Variants in DERA observed in about 807,000 individuals in gnomAD.
DERA encodes 2-deoxy-D-ribose 5-phosphate aldolase.
A neutral mutation model predicts 41.1 loss-of-function variants in DERA; 15 were observed. That is an observed-to-expected ratio of 0.37 (90% CI 0.24 to 0.56). The LOEUF (loss-of-function observed/expected upper bound fraction) is 0.56. Among genes scored for constraint, DERA ranks in the 20% least tolerant of loss-of-function variants. The pLI, the probability that DERA is intolerant of heterozygous loss-of-function variation, is 0.81. For missense variants in DERA, 396 were observed against 403.4 expected (o/e 0.98, Z 0.16); for synonymous variants, 139 against 137.4 (o/e 1.01, Z -0.08).
Position 15,966,170 on chromosome 12 carries a change from C to G in DERA, c.508+3223C>G, listed in dbSNP as rs909390923. On this transcript the variant is annotated intron_variant, in intron 5 of 8. Transcript: ENST00000428559. This position sits in a 1 kb window ranked among gnomAD's most constrained non-coding sequence, Gnocchi z 5.1. Reference sequence around the variant, plus strand: ...GGCTGAAACAGGCACTTTGGGAGGCCTCATCACCTCTTGCTCTGCTGCCGC... The same window carrying G: ...GGCTGAAACAGGCACTTTGGGAGGCGTCATCACCTCTTGCTCTGCTGCCGC... 6.6e-6 allele frequency among the ~76,000 whole-genome samples: 1 copy of G among 152,144 alleles called. No homozygotes were observed. The highest frequency in any genetic ancestry group is 2.4e-5 in the African/African-American group (1 of 41,430).
rs1414471912 is a variant in DERA, at chr12:15,936,866, T to TTGTCC, written c.32-20066_32-20065insCTGTC. On this transcript the variant is annotated intron_variant, in intron 1 of 8. Transcript: ENST00000428559. This position sits in a 1 kb window ranked among gnomAD's most constrained non-coding sequence, Gnocchi z 4.6. Reference sequence around the variant, plus strand: ...CTGTCTTGTGTTGTCTTGTCTTGTCTTGTCTTGTCTTGTCTTGTCTTGTCC... The same window carrying TTGTCC: ...CTGTCTTGTGTTGTCTTGTCTTGTCTTGTCCTGTCTTGTCTTGTCTTGTCTTGTCC... 1.5e-5 allele frequency among the ~76,000 whole-genome samples: 2 copies of TTGTCC among 133,302 alleles called. No individual in the cohort carries two copies. The highest frequency in any genetic ancestry group is 3.1e-5 in the Non-Finnish European group (2 of 64,710). The allele number at this position is 133,302 out of a possible 152,430, so 87.5% of individuals were successfully genotyped here. A position where few individuals can be genotyped will look rare whatever the true frequency, so the allele number is the denominator to read the frequency against.
rs1948538780 is a variant in DERA, at chr12:15,956,372, CTGTTA to C, written c.32-562_32-558del. Among the ~76,000 whole-genome samples, 7 of 152,278 alleles carry C rather than the reference CTGTTA, an allele frequency of 4.6e-5. 1 individual carries two copies. The highest frequency in any genetic ancestry group is 1.7e-4 in the African/African-American group (7 of 41,560). ...TTTGTTTTTTCTTTTTTTCTAACTT[CTGTTA>C]TATCAGTCAATGTTGTTATTTCTAA... is the stretch of plus-strand genomic sequence containing the variant. On this transcript the variant is annotated intron_variant, in intron 1 of 8. Coordinates refer to ENST00000428559, the MANE Select transcript of DERA (RefSeq NM_015954.4).
chr12:15,945,296 A>G (rs1192272015), intron 1 of DERA, among the ~76,000 whole-genome samples: 1 of 152,206 alleles, frequency 6.6e-6, no homozygotes, highest in Non-Finnish European at 1.5e-5. Flanking sequence ...TGGGGATGGC[A>G]TTGAATCTAT....
chr12:15,972,625 G>T lies in DERA; in HGVS notation c.508+9678G>T, dbSNP rs1462362594. On this transcript the variant is annotated intron_variant, in intron 5 of 8. Transcript: ENST00000428559. The surrounding 1 kb of genome is among the most constrained non-coding windows in gnomAD (Gnocchi z 4.4). ...CCAGGGGCATTTCACGCATAGTGCA[G>T]AAGTCGGGGACCTCCAGCGTGCACC... 2.2e-5 allele frequency: 4 copies of T among 180,296 alleles called. No individual in the cohort carries two copies. The South Asian group carries it at 4.0e-4, about 18-fold the overall frequency. The allele number at this position is 180,296 out of a possible 1,614,324, so 11.2% of individuals were successfully genotyped here.
At chr12:15,991,484 A>G (rs1948801563) in intron 6 of DERA, among the ~76,000 whole-genome samples, 1 of 152,122 alleles carries the variant, frequency 6.6e-6, no homozygotes, top group African/African-American at 2.4e-5. Context: ...TTTGGATGCC[A>G]TAGCAGCAAC....
chr12:15,929,365 G>A (rs1948310927), intron 1 of DERA, among the ~76,000 whole-genome samples: 1 of 152,204 alleles, frequency 6.6e-6, no homozygotes, highest in Admixed American at 6.5e-5. Flanking sequence ...TTTTGAATCA[G>A]CACCCAGCAG....
At chr12:15,964,942 T>A (rs1437135607) in intron 5 of DERA, among the ~76,000 whole-genome samples, 1 of 152,240 alleles carries the variant, frequency 6.6e-6, no homozygotes, top group Non-Finnish European at 1.5e-5. Context: ...ATCTTTGTCC[T>A]GGACCATACT....
In DERA at chr12:16,021,383, T is replaced by A. The variant is rs1349660505; in HGVS notation, c.638-11159T>A. On this transcript the variant is annotated intron_variant, in intron 6 of 8. Coordinates refer to ENST00000428559, the MANE Select transcript of DERA (RefSeq NM_015954.4). This position sits in a 1 kb window ranked among gnomAD's most constrained non-coding sequence, Gnocchi z 5.3. The stretch of plus-strand genomic sequence containing the variant: ...TTCTATGTGATGTTAAGCCTTGAGG[T>A]TCATGGAATGCAAGAGTGAAGGGGG... 1.3e-5 allele frequency among the ~76,000 whole-genome samples: 2 copies of A among 152,182 alleles called. No homozygotes were observed. Among genetic ancestry groups the A allele is most frequent in the Non-Finnish European group, 2.9e-5 (2 of 68,032 alleles).
At position 16,004,485 on chromosome 12, in the gene DERA, T is replaced by G. The variant is rs537073167; in HGVS notation, c.637+22049T>G. ...TTTAAATGTCACAATTCTTAATTTT[T>G]CTTAGTACATTGAAAAAAATTAAAG... is the stretch of plus-strand genomic sequence containing the variant. On this transcript the variant is annotated intron_variant, in intron 6 of 8. Coordinates refer to ENST00000428559, the MANE Select transcript of DERA (RefSeq NM_015954.4). The surrounding 1 kb of genome is among the most constrained non-coding windows in gnomAD (Gnocchi z 4.2). Among the ~76,000 whole-genome samples the G allele has an allele frequency of 3.2e-4, 49 of 152,268 alleles. 1 individual carries two copies. The South Asian group carries it at 1.0e-2, about 31-fold the overall frequency.
intron 1 of DERA, among the ~76,000 whole-genome samples, chr12:15,929,455 G>A (rs1045539940): frequency 1.3e-5 from 2 of 152,114 alleles, no homozygotes; most frequent in East Asian, 3.9e-4. Context: ...ATAATGTAGC[G>A]GAGGCTTGTT....
At chr12:15,929,741 T>C (rs550304865) in intron 1 of DERA, among the ~76,000 whole-genome samples, 6 of 152,346 alleles carry the variant, frequency 3.9e-5, no homozygotes, top group African/African-American at 1.2e-4. Context: ...TATGTACATA[T>C]ACAGTAGCTA....
chr12:15,984,023 C>A lies in DERA; in HGVS notation c.637+1587C>A, dbSNP rs138962310. Among the ~76,000 whole-genome samples, 2 of 152,140 alleles carry A rather than the reference C, an allele frequency of 1.3e-5. No homozygotes were observed. The highest frequency in any genetic ancestry group is 2.9e-5 in the Non-Finnish European group (2 of 68,022). On this transcript the variant is annotated intron_variant, in intron 6 of 8. Transcript: ENST00000428559. The surrounding 1 kb of genome is among the most constrained non-coding windows in gnomAD (Gnocchi z 4.5). ...GGCTACTTGGTGTACAGGTAGCCCC[C>A]CTTTATGCTGCTTGCCAGCACAAGT... is the stretch of plus-strand genomic sequence containing the variant.
chr12:15,929,772 TA>T (rs1220057007), intron 1 of DERA, among the ~76,000 whole-genome samples: 2 of 152,224 alleles, frequency 1.3e-5, no homozygotes, highest in Non-Finnish European at 2.9e-5. Context: ...CTTTCTTTTT[TA>T]AATTTTTCTT....
chr12:15,981,178 C>G lies in DERA; in HGVS notation c.509-1130C>G, dbSNP rs1275604672. Among the ~76,000 whole-genome samples the G allele has an allele frequency of 1.3e-5, 2 of 152,114 alleles. No individual in the cohort carries two copies. The highest frequency in any genetic ancestry group is 2.9e-5 in the Non-Finnish European group (2 of 68,026). Reference sequence around the variant, plus strand: ...CCTGGTTAACACGGTGAAACCCCGTCTCTACTAAAACTACAAAAAGTTACC... The same window carrying G: ...CCTGGTTAACACGGTGAAACCCCGTGTCTACTAAAACTACAAAAAGTTACC... On this transcript the variant is annotated intron_variant, in intron 5 of 8. Transcript: ENST00000428559. This position sits in a 1 kb window ranked among gnomAD's most constrained non-coding sequence, Gnocchi z 6.1.
In DERA at chr12:16,017,425, T is replaced by C. The variant is rs1212954935; in HGVS notation, c.638-15117T>C. Among the ~76,000 whole-genome samples the C allele has an allele frequency of 1.3e-5, 2 of 152,226 alleles. No individual in the cohort carries two copies. The highest frequency in any genetic ancestry group is 4.8e-5 in the African/African-American group (2 of 41,466). Reference sequence around the variant, plus strand: ...TCATTTTTCTTCTTATGCTTTTCTTTCTCTCTTTCTCTTTACCCCCTTTCT... The same window carrying C: ...TCATTTTTCTTCTTATGCTTTTCTTCCTCTCTTTCTCTTTACCCCCTTTCT... On this transcript the variant is annotated intron_variant, in intron 6 of 8. Coordinates refer to ENST00000428559, the MANE Select transcript of DERA (RefSeq NM_015954.4). The surrounding 1 kb of genome is among the most constrained non-coding windows in gnomAD (Gnocchi z 5.5).
At position 15,922,707 on chromosome 12, in the gene DERA, T is replaced by C. The variant is rs1046606516; in HGVS notation, c.31+11293T>C. Among the ~76,000 whole-genome samples, 7 of 151,682 alleles carry C rather than the reference T, an allele frequency of 4.6e-5. No individual in the cohort carries two copies. Among genetic ancestry groups the C allele is most frequent in the Non-Finnish European group, 7.4e-5 (5 of 68,016 alleles). On this transcript the variant is annotated intron_variant, in intron 1 of 8. Coordinates refer to ENST00000428559, the MANE Select transcript of DERA (RefSeq NM_015954.4). The surrounding 1 kb of genome is among the most constrained non-coding windows in gnomAD (Gnocchi z 4.9). Reference sequence around the variant, plus strand: ...TTGTGCTTCATTGAATGCACTGTGGTTTATCTGGGAAGGATACAGGATTGG... The same window carrying C: ...TTGTGCTTCATTGAATGCACTGTGGCTTATCTGGGAAGGATACAGGATTGG...
Position 15,996,249 on chromosome 12 carries a change from G to A in DERA, c.637+13813G>A, listed in dbSNP as rs1565608926. ...CAGGGCCCCAAAATATAGAAAACAT[G>A]GGAAAAGAGGAGTGTATTAGTTTCT... On this transcript the variant is annotated intron_variant, in intron 6 of 8. Transcript: ENST00000428559. This position sits in a 1 kb window ranked among gnomAD's most constrained non-coding sequence, Gnocchi z 4.7. Among the ~76,000 whole-genome samples, 1 of 151,388 alleles carries A rather than the reference G, an allele frequency of 6.6e-6. No homozygotes were observed. The highest frequency in any genetic ancestry group is 1.5e-5 in the Non-Finnish European group (1 of 67,886).
rs1489802454 is a variant in DERA, at chr12:16,021,777, G to A, written c.638-10765G>A. ...GTTTGGGGCTTGTATGAGGCCTATA[G>A]CGCACCCCTCCCCCTTTTTTGGCTG... is the stretch of plus-strand genomic sequence containing the variant. On this transcript the variant is annotated intron_variant, in intron 6 of 8. Transcript: ENST00000428559. The surrounding 1 kb of genome is among the most constrained non-coding windows in gnomAD (Gnocchi z 5.3). Among the ~76,000 whole-genome samples the A allele has an allele frequency of 1.3e-5, 2 of 152,162 alleles. No individual in the cohort carries two copies. Among genetic ancestry groups the A allele is most frequent in the Middle Eastern group, 6.3e-3 (2 of 316 alleles).
Position 15,976,156 on chromosome 12 carries a change from T to G in DERA, c.509-6152T>G, listed in dbSNP as rs907697013. On this transcript the variant is annotated intron_variant, in intron 5 of 8. Transcript: ENST00000428559. This position sits in a 1 kb window ranked among gnomAD's most constrained non-coding sequence, Gnocchi z 4.1. Reference sequence around the variant, plus strand: ...CAGCATTGCATGGTTTATTCTTACTTTCCCCTTCCATATTTATACCCCTTC... The same window carrying G: ...CAGCATTGCATGGTTTATTCTTACTGTCCCCTTCCATATTTATACCCCTTC... Among the ~76,000 whole-genome samples the G allele has an allele frequency of 2.6e-5, 4 of 152,198 alleles. No homozygotes were observed. The highest frequency in any genetic ancestry group is 9.7e-5 in the African/African-American group (4 of 41,448).
Sources: allele counts gnomAD v4.1 joint callset (sites outside exome capture counted in the v4.1 genomes callset), GRCh38; gene constraint gnomAD v4.1.1; non-coding constraint Gnocchi (gnomAD v3.1); transcripts MANE v1.5; gene names NCBI Gene and HGNC (gene_info 2026-07-23, HGNC 2026-07-21).